Variants in DOCK10 observed in about 807,000 individuals in gnomAD.
The protein encoded by DOCK10 is dedicator of cytokinesis 10.
DOCK10 carries 145 observed loss-of-function variants against 280.1 expected under a neutral mutation model. The observed-to-expected ratio is 0.52, with a 90% CI of 0.45 to 0.59. The LOEUF (loss-of-function observed/expected upper bound fraction) is 0.59, where lower values mean the gene tolerates loss of function less well. DOCK10 is among the 20% of genes least tolerant of loss of function. The pLI is 0.00. For missense variants in DOCK10, 2,368 were observed against 2,651.7 expected (o/e 0.89, Z 2.35); for synonymous variants, 915 against 942.2 (o/e 0.97, Z 0.53).
At chr2:224,946,901 C>G in intron 1 of DOCK10, 1 of 1,546,984 alleles carries the variant, frequency 6.5e-7, no homozygotes, top group Non-Finnish European at 8.7e-7. Flanking sequence ...TTCGTCTCTT[C>G]TTCCAAAATT....
chr2:224,864,113 TA>T (rs1303677236), intron 13 of DOCK10, among the ~76,000 whole-genome samples: 5 of 152,196 alleles, frequency 3.3e-5, no homozygotes, highest in South Asian at 2.1e-4. Flanking sequence ...AAGATAAGCT[TA>T]AAAAAATTTC....
At chr2:224,909,343 A>G (rs16866326) in intron 3 of DOCK10, among the ~76,000 whole-genome samples, 2,362 of 152,294 alleles carry the variant, frequency 0.016, 74 homozygotes, top group African/African-American at 0.053. Context: ...GCAGATTCAG[A>G]TAAAGACAAT....
intron 1 of DOCK10, among the ~76,000 whole-genome samples, chr2:224,935,913 G>T (rs1702663227): frequency 6.6e-6 from 1 of 152,132 alleles, no homozygotes; most frequent in Non-Finnish European, 1.5e-5. Context: ...TATAATCCAA[G>T]ATTTATACGA....
In DOCK10 at chr2:224,791,772, C is replaced by T. The variant is rs927442240; in HGVS notation, c.5311+1202G>A. The stretch of plus-strand genomic sequence containing the variant: ...TACAGGCGTGAGTCATGGCACCTGG[C>T]CAGTTCAAATGTCTTATATGCAAAA... On this transcript the variant is annotated intron_variant, in intron 47 of 55. Transcript: ENST00000258390. Among the ~76,000 whole-genome samples the T allele has an allele frequency of 4.6e-5, 7 of 152,054 alleles. No individual in the cohort carries two copies. In the East Asian group the frequency reaches 1.4e-3, roughly 29 times the overall value.
intron 1 of DOCK10, among the ~76,000 whole-genome samples, chr2:224,980,011 G>A (rs1003303862): frequency 2.6e-5 from 4 of 152,090 alleles, no homozygotes; most frequent in African/African-American, 4.8e-5. Flanking sequence ...TGGGCAGTGG[G>A]AAAGTGAATA....
intron 7 of DOCK10, 125 bp from the exon 8 acceptor site, chr2:224,876,346 T>C: frequency 1.2e-6 from 1 of 857,354 alleles, no homozygotes; most frequent in South Asian, 2.0e-5. Context: ...TAAAGAAAAT[T>C]TTCCAGAACA....
At chr2:224,946,862 G>C (rs1703449824) in intron 1 of DOCK10, 1 of 1,543,142 alleles carries the variant, frequency 6.5e-7, no homozygotes, top group Non-Finnish European at 8.7e-7. Flanking sequence ...TAAATCTGTG[G>C]ATTTCTTCTT....
intron 30 of DOCK10, 123 bp from the exon 31 acceptor site, chr2:224,814,487 G>A (rs1693993692): frequency 4.3e-6 from 2 of 462,990 alleles, no homozygotes; most frequent in South Asian, 1.2e-4. Context: ...TGAGTCTTCA[G>A]TATTGCCAGT....
chr2:225,031,785 G>A (rs1690084991), intron 1 of DOCK10, among the ~76,000 whole-genome samples: 1 of 152,148 alleles, frequency 6.6e-6, no homozygotes, highest in African/African-American at 2.4e-5. Context: ...TAAAGCAGAT[G>A]GGGCTTACCC....
At chr2:225,039,194 T>C (rs1427336288) in intron 1 of DOCK10, among the ~76,000 whole-genome samples, 1 of 152,210 alleles carries the variant, frequency 6.6e-6, no homozygotes, top group Non-Finnish European at 1.5e-5. Context: ...ACATGGTATG[T>C]ATATTCAACC....
At chr2:225,013,499 G>A (rs1444545963) in intron 1 of DOCK10, among the ~76,000 whole-genome samples, 1 of 152,164 alleles carries the variant, frequency 6.6e-6, no homozygotes, top group African/African-American at 2.4e-5. Flanking sequence ...CTAAGATCAT[G>A]AGCAGAAAGT....
chr2:225,038,206 A>G (rs962028397), intron 1 of DOCK10, among the ~76,000 whole-genome samples: 6 of 152,082 alleles, frequency 3.9e-5, no homozygotes, highest in African/African-American at 1.4e-4. Flanking sequence ...CAAGTGCTTC[A>G]CTTTCATTTG....
chr2:224,947,153 C>A, intron 1 of DOCK10: 1 of 863,686 alleles, frequency 1.2e-6, no homozygotes. Flanking sequence ...ACCAGCTGTT[C>A]AGATACTGCT....
intron 14 of DOCK10, among the ~76,000 whole-genome samples, chr2:224,860,110 T>A (rs1268783230): frequency 1.3e-5 from 2 of 152,220 alleles, no homozygotes; most frequent in Non-Finnish European, 2.9e-5. Context: ...TCTAAGCTTG[T>A]GGTTTCATTA....
chr2:224,988,038 A>G (rs1016438909), intron 1 of DOCK10, among the ~76,000 whole-genome samples: 2 of 152,172 alleles, frequency 1.3e-5, no homozygotes, highest in African/African-American at 4.8e-5. Context: ...TGCAAAGACC[A>G]ACATAGAGCC....
chr2:224,873,965 T>A lies in DOCK10; in HGVS notation c.1257+31A>T, dbSNP rs6709166. The A allele has an allele frequency of 3.3e-3, 5,153 of 1,579,622 alleles. 152 individuals carry two copies. In the African/African-American group the frequency reaches 0.064, roughly 20 times the overall value. ...CTAGGGTGGTGTAATGTTGGCTTAA[T>A]GGTATAGGATGTAACAGAGGAGAAA... is the stretch of plus-strand genomic sequence containing the variant. On this transcript the variant is annotated intron_variant, in intron 11 of 55. Transcript: ENST00000258390.
chr2:225,002,234 A>T lies in DOCK10; in HGVS notation c.123+40018T>A, dbSNP rs192819843. Among the ~76,000 whole-genome samples, 230 of 152,302 alleles carry T rather than the reference A, an allele frequency of 1.5e-3. 1 individual carries two copies. Among genetic ancestry groups the T allele is most frequent in the African/African-American group, 5.3e-3 (222 of 41,564 alleles). ...CCTGATGCTAAACTCTCCCTATATT[A>T]GCACTGCCCCCTGCTGTCCATTGTG... On this transcript the variant is annotated intron_variant, in intron 1 of 55. Coordinates refer to ENST00000258390, the MANE Select transcript of DOCK10 (RefSeq NM_014689.3).
At chr2:224,974,831 T>TGA (rs1491238172) in intron 1 of DOCK10, among the ~76,000 whole-genome samples, 1 of 134,782 alleles carries the variant, frequency 7.4e-6, no homozygotes, top group Non-Finnish European at 1.6e-5. Context: ...TATATATATA[T>TGA]TATATATAAC....
chr2:224,946,914 C>T (rs1388403936), intron 1 of DOCK10: 3 of 1,544,382 alleles, frequency 1.9e-6, no homozygotes, highest in East Asian at 2.5e-5. Flanking sequence ...CCAAAATTCA[C>T]TGGGCTCCCG....
Sources: allele counts gnomAD v4.1 joint callset (sites outside exome capture counted in the v4.1 genomes callset), GRCh38; gene constraint gnomAD v4.1.1; transcripts MANE v1.5; gene names NCBI Gene and HGNC (gene_info 2026-07-23, HGNC 2026-07-21).